TG: variants seen among roughly 807,000 people sequenced by gnomAD.
TG encodes the protein thyroglobulin.
In TG, 270 loss-of-function variants were observed where a neutral mutation model predicts 324.7. The observed-to-expected ratio is 0.83, with a 90% CI of 0.75 to 0.92. TG has a LOEUF of 0.92. TG is among the 40% of genes least tolerant of loss of function. The probability of loss-of-function intolerance (pLI) is 0.00; values close to 1 mark genes in which losing one functional copy is unlikely to be tolerated. For missense variants in TG, 3,591 were observed against 3,456.4 expected, an observed-to-expected ratio of 1.04 and a Z score of -0.98; for synonymous variants, 1,401 against 1,327.0, an observed-to-expected ratio of 1.06 and a Z score of -1.21.
intron 43 of TG, among the ~76,000 whole-genome samples, chr8:133,107,985 T>TTCCTC (rs1564199184): frequency 9.2e-5 from 13 of 140,602 alleles, no homozygotes; most frequent in East Asian, 2.0e-4. Flanking sequence ...TTTTCTTCTT[T>TTCCTC]TTTTTTTTTT....
intron 35 of TG, among the ~76,000 whole-genome samples, chr8:132,999,513 C>T (rs1202856547): frequency 6.6e-6 from 1 of 152,088 alleles, no homozygotes; most frequent in East Asian, 1.9e-4. Context: ...TTTTGGTTCC[C>T]AGGTGTGGAC....
intron 34 of TG, among the ~76,000 whole-genome samples, chr8:132,979,076 GCAGTAGAGC>G (rs1316102651): frequency 6.6e-6 from 1 of 152,170 alleles, no homozygotes; most frequent in Admixed American, 6.5e-5. Flanking sequence ...CCCCTTCCTG[GCAGTAGAGC>G]CAGAGAGGAA....
chr8:133,012,406 A>T lies in TG; in HGVS notation c.6397+371A>T, dbSNP rs540356687. Among the ~76,000 whole-genome samples the T allele has an allele frequency of 2.6e-5, 4 of 152,312 alleles. No homozygotes were observed. The South Asian group carries it at 8.3e-4, about 32-fold the overall frequency. ...GAAGTACACTTGTCTGGCCAGTGGG[A>T]TACACCTAAGAGCTATTGTTTTGGT... On this transcript the variant is annotated intron_variant, in intron 36 of 47. Coordinates refer to ENST00000220616, the MANE Select transcript of TG (RefSeq NM_003235.5).
At chr8:132,948,268 A>AGAGAGC (rs1158510463) in intron 26 of TG, among the ~76,000 whole-genome samples, 3 of 134,040 alleles carry the variant, frequency 2.2e-5, no homozygotes, top group Non-Finnish European at 4.9e-5. Context: ...TGTGCATGTG[A>AGAGAGC]GAGAGCGAGA....
chr8:132,894,361 G>C (rs10435562), intron 11 of TG, among the ~76,000 whole-genome samples: 14,417 of 152,080 alleles, frequency 0.095, 937 homozygotes, highest in Middle Eastern at 0.16. Context: ...CTGATCCTGA[G>C]AGTAACTCCA....
intron 5 of TG, among the ~76,000 whole-genome samples, chr8:132,874,889 G>A (rs1169748105): frequency 3.3e-5 from 5 of 152,236 alleles, no homozygotes; most frequent in South Asian, 2.1e-4. Context: ...CCAAGGACAC[G>A]CCCTTCTGTG....
Position 133,022,091 on chromosome 8 carries a change from G to T in TG, c.6977G>T (p.Gly2326Val). The change falls in exon 40 of 48, where the codon GGC becomes GTC. Residue 2326 changes from glycine to valine, a missense_variant. Gly to Val is a moderately radical substitution (Grantham distance 109). Transcript: ENST00000220616. Reference protein sequence around the residue: ...AIDGSFLAAVGNLIVVTASYR... With the variant: ...AIDGSFLAAVVNLIVVTASYR... ...GACGGCTCCTTCTTGGCTGCTGTTGGCAACCTCATCGTGGTCACTGCCAGC... is the reference window on the plus strand; with the variant it reads ...GACGGCTCCTTCTTGGCTGCTGTTGTCAACCTCATCGTGGTCACTGCCAGC... The T allele has an allele frequency of 6.2e-7, 1 of 1,614,138 alleles. No homozygotes were observed. Among genetic ancestry groups the T allele is most frequent in the Non-Finnish European group, 8.5e-7 (1 of 1,180,036 alleles).
At chr8:132,912,515 AC>A (rs538567704) in intron 19 of TG, among the ~76,000 whole-genome samples, 5 of 150,460 alleles carry the variant, frequency 3.3e-5, no homozygotes, top group Non-Finnish European at 7.4e-5. Context: ...ATCATTTGAC[AC>A]CTGGAGACCT....
chr8:132,997,354 C>T (rs750602803), intron 35 of TG, among the ~76,000 whole-genome samples: 3 of 152,060 alleles, frequency 2.0e-5, no homozygotes, highest in African/African-American at 7.2e-5. Flanking sequence ...CAGGAAGCAC[C>T]GAATATATAA....
chr8:132,940,090 G>C (rs965180157), intron 25 of TG, among the ~76,000 whole-genome samples: 3 of 152,110 alleles, frequency 2.0e-5, no homozygotes, highest in African/African-American at 7.2e-5. Context: ...GGACTTCCTT[G>C]GCAGGGTGAC....
intron 41 of TG, among the ~76,000 whole-genome samples, chr8:133,054,743 T>C (rs1841044109): frequency 1.3e-5 from 2 of 152,180 alleles, no homozygotes; most frequent in African/African-American, 4.8e-5. Context: ...ATAGCTCAAC[T>C]TAAGAATGAG....
At chr8:132,967,660 A>C in intron 30 of TG, 134 bp from the exon 31 acceptor site, 4 of 985,954 alleles carry the variant, frequency 4.1e-6, no homozygotes, top group Non-Finnish European at 6.2e-6. Flanking sequence ...CTGGATGATC[A>C]TGACAGTCTC....
chr8:133,041,226 C>G (rs959691622), intron 41 of TG, among the ~76,000 whole-genome samples: 1 of 152,238 alleles, frequency 6.6e-6, no homozygotes, highest in African/African-American at 2.4e-5. Context: ...CAATCCACCA[C>G]CAGGTTTTCG....
chr8:132,945,428 C>T (rs910705587), intron 26 of TG, among the ~76,000 whole-genome samples: 5 of 151,986 alleles, frequency 3.3e-5, no homozygotes, highest in African/African-American at 9.7e-5. Context: ...TCCAATTTGG[C>T]GATGGGAGAG....
chr8:133,124,317 G>T (rs1851360801), intron 45 of TG, among the ~76,000 whole-genome samples: 1 of 152,206 alleles, frequency 6.6e-6, no homozygotes, highest in African/African-American at 2.4e-5. Flanking sequence ...TGTGGAAGAT[G>T]TTTCAACAAG....
chr8:133,048,595 T>C (rs1341752923), intron 41 of TG: 1 of 156,622 alleles, frequency 6.4e-6, no homozygotes, highest in African/African-American at 2.4e-5. Flanking sequence ...GTCATAATTA[T>C]GTCACTCCTC....
intron 33 of TG, 22 bp from the exon 34 acceptor site, chr8:132,972,570 TTTTTTG>T: frequency 1.2e-5 from 17 of 1,378,790 alleles, no homozygotes; most frequent in African/African-American, 2.7e-5. Context: ...CTGATTGTGG[TTTTTTG>T]TTTTTTTTTT....
At chr8:133,065,349 AGGTCTGCCTG>A (rs1363944063) in intron 41 of TG, among the ~76,000 whole-genome samples, 1 of 152,268 alleles carries the variant, frequency 6.6e-6, no homozygotes, top group Non-Finnish European at 1.5e-5. Flanking sequence ...GATTCCAGCC[AGGTCTGCCTG>A]GCTCTAAAAC....
Position 132,991,293 on chromosome 8 carries a change from G to A in TG, c.6262+7881G>A, listed in dbSNP as rs186105302. ...GCACTCTAATAATCCAGACTGGGAC[G>A]TGTCTGACGGTGGAATGCATGCCTT... On this transcript the variant is annotated intron_variant, in intron 35 of 47. Transcript: ENST00000220616. Among the ~76,000 whole-genome samples, 23 of 152,258 alleles carry A rather than the reference G, an allele frequency of 1.5e-4. 1 individual carries two copies. In the East Asian group the frequency reaches 4.1e-3, roughly 27 times the overall value.
Sources: allele counts gnomAD v4.1 joint callset (sites outside exome capture counted in the v4.1 genomes callset), GRCh38; gene constraint gnomAD v4.1.1; transcripts MANE v1.5; gene names NCBI Gene and HGNC (gene_info 2026-07-23, HGNC 2026-07-21).